The following GABRA4 variants were observed in gnomAD, a reference collection of about 807,000 sequenced individuals.
GABRA4 encodes the protein gamma-aminobutyric acid receptor subunit alpha-4.
Under a neutral mutation model 49.7 loss-of-function variants are expected in GABRA4, and 12 were observed. The observed-to-expected ratio is 0.24, with a 90% CI of 0.15 to 0.39. The LOEUF is 0.39. Ranked by LOEUF, GABRA4 falls within the 10% of genes least tolerant of loss-of-function variation. The pLI is 1.00. For missense variants in GABRA4, 506 were observed against 686.0 expected (o/e 0.74, Z 2.93); for synonymous variants, 288 against 240.2 (o/e 1.20, Z -1.84).
chr4:46,948,050 T>C (rs1722041152), intron 8 of GABRA4, among the ~76,000 whole-genome samples: 2 of 152,116 alleles, frequency 1.3e-5, no homozygotes, highest in South Asian at 4.1e-4. Context: ...AATTACTGCA[T>C]CCTTTTACTT....
At chr4:46,978,549 C>T (rs115633030) in intron 3 of GABRA4, among the ~76,000 whole-genome samples, 173 of 151,286 alleles carry the variant, frequency 1.1e-3, no homozygotes, top group African/African-American at 3.8e-3. Flanking sequence ...TAGCCAGGCA[C>T]GGTGGGGCAT....
At chr4:46,992,628 C>A (rs949908695) in intron 2 of GABRA4, 200 bp downstream of exon 2, 1 of 581,968 alleles carries the variant, frequency 1.7e-6, no homozygotes. Context: ...GGCAAAGCTT[C>A]TGAGGGGGCA....
chr4:46,992,856 A>G lies in GABRA4; in HGVS notation c.177T>C (p.Tyr59=). The change falls in exon 2 of 9, where the codon TAT becomes TAC. Residue 59 remains tyrosine (Y), a synonymous_variant. Transcript: ENST00000264318. ...CAAATCCAGGACGCAGCCTGTTGTC[A>G]TAACCATCGAGCAAACTGTCCAGGA... The part of the protein sequence containing the change: ...TRILDSLLDG[Y]DNRLRPGFGG... The G allele has an allele frequency of 5.6e-6, 9 of 1,614,028 alleles. No individual in the cohort carries two copies. Among genetic ancestry groups the G allele is most frequent in the Non-Finnish European group, 7.6e-6 (9 of 1,179,980 alleles).
At chr4:46,993,085 G>T in intron 1 of GABRA4, 139 bp from the exon 2 acceptor site, 2 of 728,914 alleles carry the variant, frequency 2.7e-6, no homozygotes, top group Non-Finnish European at 4.6e-6. Flanking sequence ...GGGTTGGGAT[G>T]CAGAAGACAG....
chr4:46,954,748 A>G (rs1314690471), intron 8 of GABRA4, among the ~76,000 whole-genome samples: 1 of 152,164 alleles, frequency 6.6e-6, no homozygotes, highest in Non-Finnish European at 1.5e-5. Context: ...ACACTGGAGA[A>G]CTGAGAGAGA....
chr4:46,987,006 T>A (rs1723567028), intron 2 of GABRA4, among the ~76,000 whole-genome samples: 1 of 152,160 alleles, frequency 6.6e-6, no homozygotes, highest in Non-Finnish European at 1.5e-5. Context: ...CCTTGCTGCA[T>A]CTGCCCTTGC....
Position 46,982,591 on chromosome 4 carries a change from C to T in GABRA4, c.206-3493G>A, listed in dbSNP as rs114590113. On this transcript the variant is annotated intron_variant, in intron 2 of 8. Transcript: ENST00000264318. The stretch of plus-strand genomic sequence containing the variant: ...AGAGAACCCAAAATTTATCGTTTTT[C>T]CTATGTTCTTTCCTGGAGCTTTCTT... Among the ~76,000 whole-genome samples, 1,476 of 152,088 alleles carry T rather than the reference C, an allele frequency of 9.7e-3. 15 individuals are homozygous for T. Among genetic ancestry groups the T allele is most frequent in the Middle Eastern group, 0.024 (7 of 294 alleles).
rs1173351826 is a variant in GABRA4, at chr4:46,922,139, A to G, written c.*6086T>C. 6.6e-6 allele frequency: 1 copy of G among 152,148 alleles called. No homozygotes were observed. Among genetic ancestry groups the G allele is most frequent in the Non-Finnish European group, 1.5e-5 (1 of 68,014 alleles). The allele number at this position is 152,148 out of a possible 1,614,324, so 9.4% of individuals were successfully genotyped here. On this transcript the variant is annotated 3_prime_UTR_variant, in exon 9 of 9. Coordinates refer to ENST00000264318, the MANE Select transcript of GABRA4 (RefSeq NM_000809.4). ...TGTGAACAAGCTTGCTGAATAATAT[A>G]GAATACTAAGGCTAATGTGGGGAAG...
chr4:46,948,433 A>G lies in GABRA4; in HGVS notation c.1134+16537T>C, dbSNP rs181282874. Among the ~76,000 whole-genome samples the G allele has an allele frequency of 7.9e-5, 12 of 152,286 alleles. No individual in the cohort carries two copies. In the East Asian group the frequency reaches 2.1e-3, roughly 27 times the overall value. On this transcript the variant is annotated intron_variant, in intron 8 of 8. Coordinates refer to ENST00000264318, the MANE Select transcript of GABRA4 (RefSeq NM_000809.4). ...CTAGGGAAGAATATTATGGTGAGCT[A>G]GTAAAACAGAAGCAAATTACATCTC...
intron 6 of GABRA4, among the ~76,000 whole-genome samples, chr4:46,973,632 T>G (rs1466178094): frequency 6.6e-6 from 1 of 151,816 alleles, no homozygotes; most frequent in Non-Finnish European, 1.5e-5. Context: ...GAACAAGCAA[T>G]AATCAGCTAA....
rs1229352231 is a variant in GABRA4, at chr4:46,922,702, A to C, written c.*5523T>G. The C allele has an allele frequency of 6.6e-6, 1 of 152,182 alleles. No individual in the cohort carries two copies. The highest frequency in any genetic ancestry group is 1.5e-5 in the Non-Finnish European group (1 of 68,022). 9.4% of individuals were successfully genotyped at this position (152,182 alleles called of 1,614,324 possible). ...TGACCAAGAAAGCAATGGAAAACAA[A>C]ATTAACCATTATGAAGTTGAAAAGT... On this transcript the variant is annotated 3_prime_UTR_variant, in exon 9 of 9. Transcript: ENST00000264318.
Position 46,993,071 on chromosome 4 carries a change from T to C in GABRA4, c.87-125A>G. The C allele has an allele frequency of 3.9e-6, 3 of 761,874 alleles. No homozygotes were observed. The South Asian group carries it at 5.1e-5, about 13-fold the overall frequency. The allele number at this position is 761,874 out of a possible 1,614,324, so 47.2% of individuals were successfully genotyped here. A position where few individuals can be genotyped will look rare whatever the true frequency, so the allele number is the denominator to read the frequency against. On this transcript the variant is annotated intron_variant, in intron 1 of 8. Transcript: ENST00000264318. The stretch of plus-strand genomic sequence containing the variant: ...TTGCCCCAAGCTAAAGGAGAGGAGG[T>C]TGGGGGTTGGGATGCAGAAGACAGA...
intron 7 of GABRA4, among the ~76,000 whole-genome samples, chr4:46,969,795 ATTTG>A (rs1171598368): frequency 4.6e-5 from 7 of 151,354 alleles, no homozygotes; most frequent in Admixed American, 1.3e-4. Flanking sequence ...TACAGCTTAG[ATTTG>A]TTTTTTTCTC....
chr4:46,937,291 T>G (rs939004712), intron 8 of GABRA4, among the ~76,000 whole-genome samples: 7 of 152,196 alleles, frequency 4.6e-5, no homozygotes, highest in Non-Finnish European at 8.8e-5. Flanking sequence ...CTTTCTAGCC[T>G]CCAGAACTGT....
chr4:46,964,841 GT>G (rs2109375189), intron 8 of GABRA4, 128 bp downstream of exon 8: 1 of 1,023,360 alleles, frequency 9.8e-7, no homozygotes, highest in African/African-American at 1.6e-5. Context: ...TTACTTTTAT[GT>G]TTTTCTGTAT....
chr4:46,933,244 A>G (rs1011732396), intron 8 of GABRA4, among the ~76,000 whole-genome samples: 1 of 152,170 alleles, frequency 6.6e-6, no homozygotes, highest in Non-Finnish European at 1.5e-5. Flanking sequence ...CCTATTTCAT[A>G]TTTGATAAAT....
rs193136019 is a variant in GABRA4, at chr4:46,987,591, T to C, written c.205+5237A>G. Among the ~76,000 whole-genome samples, 12 of 152,086 alleles carry C rather than the reference T, an allele frequency of 7.9e-5. No individual in the cohort carries two copies. The East Asian group carries it at 2.3e-3, about 29-fold the overall frequency. The stretch of plus-strand genomic sequence containing the variant: ...TGAAAAGTCATTTTTTACTTCTCTC[T>C]CTTTTTTTTTAACATCCATATCAAG... On this transcript the variant is annotated intron_variant, in intron 2 of 8. Coordinates refer to ENST00000264318, the MANE Select transcript of GABRA4 (RefSeq NM_000809.4).
intron 6 of GABRA4, among the ~76,000 whole-genome samples, chr4:46,972,801 T>A (rs567890275): frequency 6.6e-6 from 1 of 151,752 alleles, no homozygotes; most frequent in African/African-American, 2.4e-5. Flanking sequence ...TCTCACTGCC[T>A]TTCAGTTTGA....
intron 2 of GABRA4, among the ~76,000 whole-genome samples, chr4:46,990,644 C>T (rs1476758124): frequency 1.3e-5 from 2 of 152,092 alleles, no homozygotes; most frequent in African/African-American, 2.4e-5. Context: ...AAGTTTAAAA[C>T]ATTTATGGGC....
Sources: allele counts gnomAD v4.1 joint callset (sites outside exome capture counted in the v4.1 genomes callset), GRCh38; gene constraint gnomAD v4.1.1; transcripts MANE v1.5; gene names NCBI Gene and HGNC (gene_info 2026-07-23, HGNC 2026-07-21).